Variants in MAP2K3 observed in about 807,000 individuals in gnomAD.
MAP2K3 encodes dual specificity mitogen-activated protein kinase kinase 3.
A neutral mutation model predicts 46.4 loss-of-function variants in MAP2K3; 30 were observed. That is an observed-to-expected ratio of 0.65 (90% CI 0.48 to 0.88). The LOEUF (loss-of-function observed/expected upper bound fraction) is 0.88. Among genes scored for constraint, MAP2K3 ranks in the 40% least tolerant of loss-of-function variants. The pLI is 0.00. For missense variants in MAP2K3, 380 were observed against 464.5 expected (o/e 0.82, Z 1.67); for synonymous variants, 189 against 176.3 (o/e 1.07, Z -0.57).
Position 21,313,545 on chromosome 17 carries a change from T to A in MAP2K3, c.960+8T>A. On this transcript the variant is annotated splice_region_variant and intron_variant, in intron 11 of 11. Coordinates refer to ENST00000342679, the MANE Select transcript of MAP2K3 (RefSeq NM_145109.3). ...AGCTACCTGGAGCTGATGGTGAGTA[T>A]GGGCGGGAGGTGCCTGCCCTGCTCT... 1 of 1,297,040 alleles carries A rather than the reference T, an allele frequency of 7.7e-7. No individual in the cohort carries two copies. The highest frequency in any genetic ancestry group is 1.0e-6 in the Non-Finnish European group (1 of 955,546). 80.3% of individuals were successfully genotyped at this position (1,297,040 alleles called of 1,614,324 possible).
intron 5 of MAP2K3, 61 bp from the exon 6 acceptor site, chr17:21,302,082 T>G: frequency 6.5e-7 from 1 of 1,527,174 alleles, no homozygotes; most frequent in Non-Finnish European, 9.1e-7. Flanking sequence ...GGGCAGGCAG[T>G]GCAGGTGGTG....
chr17:21,298,464 C>G lies in MAP2K3; in HGVS notation c.101C>G (p.Pro34Arg), dbSNP rs1403197048. 1 of 1,614,318 alleles carries G rather than the reference C, an allele frequency of 6.2e-7. No individual in the cohort carries two copies. Among genetic ancestry groups the G allele is most frequent in the Admixed American group, 1.7e-5 (1 of 60,038 alleles). Residue 34 changes from proline to arginine, a missense_variant, in exon 2 of 12, where the codon CCC becomes CGC. By Grantham distance (103) the Pro-to-Arg change is moderately radical. This residue lies in a region of MAP2K3 where 294 missense variants were observed against 275.4 expected (regional missense o/e 1.07). Coordinates refer to ENST00000342679, the MANE Select transcript of MAP2K3 (RefSeq NM_145109.3). ...DLRISCMSKP[P>R]APNPTPPRNL... is the part of the protein sequence containing the mutation. ...CGGATATCCTGCATGTCCAAGCCAC[C>G]CGCACCCAACCCCACGTGAGTCTGC... is the stretch of plus-strand genomic sequence containing the variant.
At chr17:21,296,161 G>T (rs758522298) in intron 1 of MAP2K3, 2 of 1,289,522 alleles carry the variant, frequency 1.6e-6, no homozygotes, top group Admixed American at 2.3e-5. Flanking sequence ...CCTGTGCTGA[G>T]CACCTTGCAG....
chr17:21,303,115 C>T, intron 6 of MAP2K3, 68 bp from the exon 7 acceptor site: 1 of 1,603,646 alleles, frequency 6.2e-7, no homozygotes, highest in Non-Finnish European at 8.5e-7. Flanking sequence ...TCTTACTGCT[C>T]TGTCGTTTTT....
intron 1 of MAP2K3, chr17:21,288,049 G>A: frequency 1.6e-6 from 2 of 1,289,130 alleles, no homozygotes; most frequent in South Asian, 2.5e-5. Context: ...GTTCTCAGTT[G>A]GCCCGTGTGA....
chr17:21,298,594 G>C, intron 2 of MAP2K3, 115 bp downstream of exon 2: 1 of 1,548,188 alleles, frequency 6.5e-7, no homozygotes, highest in South Asian at 1.1e-5. Flanking sequence ...TCCTGTCCTG[G>C]GCAGCCCCTG....
intron 1 of MAP2K3, among the ~76,000 whole-genome samples, chr17:21,296,470 C>CACGA (rs772088384): frequency 3.9e-4 from 59 of 152,394 alleles, no homozygotes; most frequent in Non-Finnish European, 5.9e-4. Context: ...TCTTGTTGAG[C>CACGA]ACGAGACTTG....
intron 3 of MAP2K3, among the ~76,000 whole-genome samples, chr17:21,300,141 T>C (rs1274893758): frequency 6.6e-6 from 1 of 152,304 alleles, no homozygotes; most frequent in Non-Finnish European, 1.5e-5. Flanking sequence ...GCAATACTTT[T>C]GTTTTGTTGT....
intron 9 of MAP2K3, among the ~76,000 whole-genome samples, chr17:21,309,970 G>GTC (rs1215629966): frequency 3.3e-5 from 5 of 150,506 alleles, no homozygotes; most frequent in Admixed American, 6.6e-5. Context: ...GTTCATATTT[G>GTC]TCTCTCTCTC....
At chr17:21,303,349 C>G (rs529191941) in intron 7 of MAP2K3, 115 bp downstream of exon 7, 2 of 1,441,438 alleles carry the variant, frequency 1.4e-6, no homozygotes, top group African/African-American at 2.8e-5. Context: ...TAGGTTGTGA[C>G]GTGCCCGATG....
chr17:21,292,504 G>A (rs1031463453), intron 1 of MAP2K3, among the ~76,000 whole-genome samples: 6 of 152,308 alleles, frequency 3.9e-5, no homozygotes, highest in Admixed American at 2.6e-4. Flanking sequence ...CTACAGGCAC[G>A]CACCACCACG....
rs568772109 is a variant in MAP2K3, at chr17:21,314,116, C to G, written c.961-31C>G. 11 of 1,563,638 alleles carry G rather than the reference C, an allele frequency of 7.0e-6. No individual in the cohort carries two copies. In the South Asian group the frequency reaches 1.1e-4, roughly 16 times the overall value. ...GCCACCTCTCCCTCCCGCTACCCCT[C>G]CATGGTGACTGTGCCTTCTGTCACC... On this transcript the variant is annotated intron_variant, in intron 11 of 11. Transcript: ENST00000342679.
chr17:21,302,315 C>T (rs1976654069), intron 6 of MAP2K3, 56 bp downstream of exon 6: 1 of 1,518,708 alleles, frequency 6.6e-7, no homozygotes, highest in African/African-American at 1.4e-5. Context: ...AGAGGCCCAG[C>T]CCTGCCAGCA....
rs575149860 is a variant in MAP2K3 at position 21,314,339 on chromosome 17, G to A, written c.*109G>A. 2 of 1,019,806 alleles carry A rather than the reference G, an allele frequency of 2.0e-6. No homozygotes were observed. Among genetic ancestry groups the A allele is most frequent in the African/African-American group, 3.1e-5 (2 of 63,526 alleles). The allele number at this position is 1,019,806 out of a possible 1,614,324, so 63.2% of individuals were successfully genotyped here. ...ACTGCCATCCTGGCCCAGGGCATCT[G>A]GGAGGAACCGAGGGGGCTGCTCCCA... On this transcript the variant is annotated 3_prime_UTR_variant, in exon 12 of 12. Transcript: ENST00000342679.
chr17:21,302,615 A>G (rs1206246650), intron 6 of MAP2K3, among the ~76,000 whole-genome samples: 1 of 152,312 alleles, frequency 6.6e-6, no homozygotes, highest in Admixed American at 6.5e-5. Context: ...CAGAGGTACA[A>G]GCTAAGTTGG....
At chr17:21,295,716 G>A (rs1417981437) in intron 1 of MAP2K3, 3 of 1,289,552 alleles carry the variant, frequency 2.3e-6, no homozygotes, top group Non-Finnish European at 2.0e-6. Flanking sequence ...ACCCAGGCCT[G>A]CGAGGAGCGT....
rs751049046 is a variant in MAP2K3 at position 21,313,507 on chromosome 17, C to T, written c.930C>T (p.Pro310=). 167 of 1,612,760 alleles carry T rather than the reference C, an allele frequency of 1.0e-4. 1 individual carries two copies. In the Middle Eastern group the frequency reaches 1.8e-3, roughly 18 times the overall value. ...TCTCTCCTAGCCTGAGGAAGAACCCCGCAGAGCGTATGAGCTACCTGGAGC... is the reference window on the plus strand; with the variant it reads ...TCTCTCCTAGCCTGAGGAAGAACCCTGCAGAGCGTATGAGCTACCTGGAGC... ...DFTAQCLRKN[P]AERMSYLELM... The change falls in exon 11 of 12, where the codon CCC becomes CCT. Residue 310 remains proline (P), a synonymous_variant. Coordinates refer to ENST00000342679, the MANE Select transcript of MAP2K3 (RefSeq NM_145109.3).
rs756966433 is a variant in MAP2K3 at position 21,298,944 on chromosome 17, C to A, written c.165+18C>A. 3.1e-6 allele frequency: 5 copies of A among 1,614,096 alleles called. No individual in the cohort carries two copies. In the Admixed American group the frequency reaches 6.7e-5, roughly 22 times the overall value. On this transcript the variant is annotated intron_variant, in intron 3 of 11. Coordinates refer to ENST00000342679, the MANE Select transcript of MAP2K3 (RefSeq NM_145109.3). ...GAGACAGAGTAGGTGCCAGCCGCCA[C>A]CCCTGCAGGGCCTCTCACTTCACCT...
At chr17:21,290,786 C>T (rs1327569753) in intron 1 of MAP2K3, among the ~76,000 whole-genome samples, 5 of 152,256 alleles carry the variant, frequency 3.3e-5, no homozygotes, top group African/African-American at 1.2e-4. Context: ...CTCATCTCTA[C>T]AAAAAACATA....
Sources: allele counts gnomAD v4.1 joint callset (sites outside exome capture counted in the v4.1 genomes callset), GRCh38; gene constraint gnomAD v4.1.1; regional missense constraint gnomAD v4.1.1; transcripts MANE v1.5; gene names NCBI Gene and HGNC (gene_info 2026-07-23, HGNC 2026-07-21).